Variants in CNTN5 observed in about 807,000 individuals in gnomAD.
The protein encoded by CNTN5 is contactin-5.
In CNTN5, 77 loss-of-function variants were observed where a neutral mutation model predicts 129.1. The observed-to-expected ratio is 0.60, with a 90% CI of 0.50 to 0.72. The LOEUF is 0.72. Ranked by LOEUF, CNTN5 falls within the 30% of genes least tolerant of loss-of-function variation. The probability of loss-of-function intolerance (pLI) is 0.00; values close to 1 mark genes in which losing one functional copy is unlikely to be tolerated. For synonymous variants in CNTN5, 509 were observed against 465.6 expected (o/e 1.09, Z -1.20); for missense variants, 1,478 against 1,328.8 (o/e 1.11, Z -1.75).
rs1303235773 is a variant in CNTN5 at position 100,094,788 on chromosome 11, G to GGAAGGAA, written c.1580+20496_1580+20502dup. ...GGAAAGGAAGGAAGGAAGGAAGGAA[G>GGAAGGAA]GAAGGAAGGAAGGAAGGAAGGAAGG... is the stretch of plus-strand genomic sequence containing the variant. On this transcript the variant is annotated intron_variant, in intron 13 of 24. Coordinates refer to ENST00000524871, the MANE Select transcript of CNTN5 (RefSeq NM_014361.4). Among the ~76,000 whole-genome samples, 14 of 145,000 alleles carry GGAAGGAA rather than the reference G, an allele frequency of 9.7e-5. No individual in the cohort carries two copies. In the South Asian group the frequency reaches 1.8e-3, roughly 18 times the overall value.
At chr11:99,278,781 G>A (rs1863564573) in intron 1 of CNTN5, among the ~76,000 whole-genome samples, 2 of 151,630 alleles carry the variant, frequency 1.3e-5, no homozygotes, top group Non-Finnish European at 3.0e-5. Context: ...CCATTAATTA[G>A]TATAATTTTA....
chr11:99,230,828 C>A (rs1860956834), intron 1 of CNTN5, among the ~76,000 whole-genome samples: 1 of 152,012 alleles, frequency 6.6e-6, no homozygotes, highest in Non-Finnish European at 1.5e-5. Context: ...CCCTGACAAG[C>A]CCCAGTGTTT....
intron 16 of CNTN5, among the ~76,000 whole-genome samples, chr11:100,253,774 A>G (rs1950016834): frequency 6.6e-6 from 1 of 152,142 alleles, no homozygotes; most frequent in Admixed American, 6.6e-5. Flanking sequence ...TGCAATAGAC[A>G]TATTTTTTCA....
At chr11:99,876,850 A>G (rs918896632) in intron 6 of CNTN5, among the ~76,000 whole-genome samples, 1 of 152,162 alleles carries the variant, frequency 6.6e-6, no homozygotes, top group South Asian at 2.1e-4. Flanking sequence ...GAACTCCATC[A>G]CCTTATTGCT....
intron 3 of CNTN5, among the ~76,000 whole-genome samples, chr11:99,565,380 A>G (rs184073402): frequency 1.2e-4 from 18 of 152,294 alleles, no homozygotes; most frequent in African/African-American, 4.3e-4. Context: ...AAAAGACTAA[A>G]AGTTGTCACC....
intron 18 of CNTN5, among the ~76,000 whole-genome samples, chr11:100,273,972 T>C (rs990481891): frequency 6.6e-6 from 1 of 152,144 alleles, no homozygotes; most frequent in Non-Finnish European, 1.5e-5. Context: ...CTTCAAACTA[T>C]ACTACAGCGC....
rs1414387890 is a variant in CNTN5 at position 100,308,416 on chromosome 11, T to C, written c.2678T>C (p.Leu893Pro). 1 of 1,611,004 alleles carries C rather than the reference T, an allele frequency of 6.2e-7. No homozygotes were observed. Residue 893 changes from leucine (L) to proline (P), a missense_variant, in exon 21 of 25, where the codon CTT becomes CCT. By Grantham distance (98) the Leu-to-Pro change is moderately conservative. Transcript: ENST00000524871. The part of the protein sequence containing the change: ...KATSVSVSEI[L>P]VAWKHIKESL... The stretch of plus-strand genomic sequence containing the variant: ...ACAAGTGTGTCTGTGTCAGAGATTC[T>C]TGTTGCATGGAAACACATTAAAGAG...
chr11:99,536,588 C>G (rs1494467), intron 2 of CNTN5, among the ~76,000 whole-genome samples: 125,042 of 151,998 alleles, frequency 0.82, 52,324 homozygotes, highest in Middle Eastern at 0.9. Context: ...TCACAATTTG[C>G]AGAAACTTGC....
At chr11:99,800,787 C>T (rs865982965) in intron 3 of CNTN5, among the ~76,000 whole-genome samples, 1 of 152,070 alleles carries the variant, frequency 6.6e-6, no homozygotes, top group South Asian at 2.1e-4. Context: ...TTCCTTAAGT[C>T]TTTTACACTG....
At chr11:100,149,252 T>C (rs1289414424) in intron 13 of CNTN5, among the ~76,000 whole-genome samples, 1 of 152,190 alleles carries the variant, frequency 6.6e-6, no homozygotes, top group Admixed American at 6.5e-5. Context: ...AGTGAAGCAA[T>C]TGCTGTTAAT....
intron 13 of CNTN5, among the ~76,000 whole-genome samples, chr11:100,148,515 A>AC (rs148507771): frequency 0.017 from 2,550 of 152,072 alleles, 63 homozygotes; most frequent in African/African-American, 0.058. Flanking sequence ...ACACTTTGTC[A>AC]CCCCCCAAAC....
intron 3 of CNTN5, among the ~76,000 whole-genome samples, chr11:99,795,762 C>T (rs978070558): frequency 6.6e-6 from 1 of 152,136 alleles, no homozygotes; most frequent in Non-Finnish European, 1.5e-5. Flanking sequence ...GGGTCTCAGA[C>T]TCGGCTCAGG....
At chr11:99,095,106 A>G (rs1312877431) in intron 1 of CNTN5, among the ~76,000 whole-genome samples, 1 of 151,886 alleles carries the variant, frequency 6.6e-6, no homozygotes, top group Non-Finnish European at 1.5e-5. Context: ...GACATTAGGT[A>G]TTTCTTCTAA....
chr11:99,400,862 C>T (rs1390584455), intron 2 of CNTN5, among the ~76,000 whole-genome samples: 1 of 152,056 alleles, frequency 6.6e-6, no homozygotes, highest in Non-Finnish European at 1.5e-5. Flanking sequence ...TGTTGCTTTG[C>T]CATTTTTATG....
intron 1 of CNTN5, among the ~76,000 whole-genome samples, chr11:99,103,481 T>C (rs1204970790): frequency 1.3e-5 from 2 of 152,186 alleles, no homozygotes; most frequent in African/African-American, 2.4e-5. Flanking sequence ...TCATCTTATT[T>C]ATTCTCCCAT....
chr11:100,269,919 T>G (rs1355131155), intron 17 of CNTN5, among the ~76,000 whole-genome samples: 2 of 152,138 alleles, frequency 1.3e-5, no homozygotes, highest in South Asian at 4.1e-4. Context: ...TGGGAATGCC[T>G]TCTTCTCTTT....
At chr11:99,840,050 T>C (rs1043806272) in intron 4 of CNTN5, among the ~76,000 whole-genome samples, 13 of 152,110 alleles carry the variant, frequency 8.5e-5, no homozygotes, top group African/African-American at 4.8e-5. Context: ...ATTATTGATA[T>C]TCACGGGTGA....
rs1947924044 is a variant in CNTN5 at position 99,536,914 on chromosome 11, AAT to A, written c.-70-19226_-70-19225del. Among the ~76,000 whole-genome samples, 24 of 152,088 alleles carry A rather than the reference AAT, an allele frequency of 1.6e-4. 1 individual carries two copies. The South Asian group carries it at 5.0e-3, about 32-fold the overall frequency. On this transcript the variant is annotated intron_variant, in intron 2 of 24. Transcript: ENST00000524871. ...CGTAATAAATTGTGTTATAAAATCC[AAT>A]ATATGTAATCCAAAAATAGAATCAT... is the stretch of plus-strand genomic sequence containing the variant.
intron 8 of CNTN5, among the ~76,000 whole-genome samples, chr11:99,963,413 G>A (rs1348910760): frequency 6.6e-6 from 1 of 152,094 alleles, no homozygotes; most frequent in African/African-American, 2.4e-5. Context: ...TATTAAATAG[G>A]GAATCCTTTC....
Sources: gnomAD v4.1 joint callset for allele counts (sites outside exome capture counted in the v4.1 genomes callset) on GRCh38, gnomAD v4.1.1 for gene constraint, MANE v1.5 for transcripts, NCBI Gene and HGNC (gene_info 2026-07-23, HGNC 2026-07-21) for gene names.